TSPAN1: variants seen among roughly 807,000 people sequenced by gnomAD.
TSPAN1 encodes the protein tetraspanin 1, also known as tetraspanin-1.
In TSPAN1, 23 loss-of-function variants were observed where a neutral mutation model predicts 26.9. That is an observed-to-expected ratio of 0.85 (90% CI 0.62 to 1.21). The LOEUF is 1.21. TSPAN1 is among the 50% of genes most tolerant of loss of function. TSPAN1 has a pLI of 0.00. For synonymous variants in TSPAN1, 115 were observed against 114.8 expected (o/e 1.00, Z -0.01); for missense variants, 283 against 298.4 (o/e 0.95, Z 0.38).
Position 46,184,793 on chromosome 1 carries a change from C to A in TSPAN1, c.348C>A (p.His116Gln). The A allele has an allele frequency of 5.0e-6, 8 of 1,614,232 alleles. No individual in the cohort carries two copies. Among genetic ancestry groups the A allele is most frequent in the Non-Finnish European group, 6.8e-6 (8 of 1,180,038 alleles). Residue 116 changes from histidine to glutamine, a missense_variant, in exon 6 of 9, where the codon CAC (histidine) becomes CAA (glutamine). By Grantham distance (24) the His-to-Gln change is conservative. Coordinates refer to ENST00000372003, the MANE Select transcript of TSPAN1 (RefSeq NM_005727.4). Reference protein sequence around the residue: ...VALVYTTMAEHFLTLLVVPAI... With the variant: ...VALVYTTMAEQFLTLLVVPAI... Reference sequence around the variant, plus strand: ...TGGCCTGCCTCACCCAGGCTGAGCACTTCCTGACGTTGCTGGTAGTGCCTG... The same window carrying A: ...TGGCCTGCCTCACCCAGGCTGAGCAATTCCTGACGTTGCTGGTAGTGCCTG...
chr1:46,178,342 G>A (rs1657232489), intron 1 of TSPAN1, among the ~76,000 whole-genome samples: 1 of 145,352 alleles, frequency 6.9e-6, no homozygotes, highest in Non-Finnish European at 1.5e-5. Flanking sequence ...GGGCAACAGA[G>A]TGAGATTCTG....
At chr1:46,177,013 G>A (rs543006484) in intron 1 of TSPAN1, among the ~76,000 whole-genome samples, 1 of 152,258 alleles carries the variant, frequency 6.6e-6, no homozygotes, top group East Asian at 1.9e-4. Flanking sequence ...CATATAACCT[G>A]ATTTTATGTG....
At chr1:46,194,359 C>T in the TSPAN1 span, 31 of 1,614,084 alleles carry the variant, frequency 1.9e-5, no homozygotes, top group African/African-American at 6.7e-5. Flanking sequence ...GAAGCGCCGG[C>T]GGCGACGGTT....
chr1:46,182,498 T>A, intron 3 of TSPAN1, among the ~76,000 whole-genome samples: 1 of 151,696 alleles, frequency 6.6e-6, no homozygotes, highest in African/African-American at 2.4e-5. Flanking sequence ...TTAGTTGAGC[T>A]CAGGAGTTCG....
In TSPAN1 at chr1:46,184,329, G is replaced by A; in HGVS notation, c.196G>A (p.Val66Met). 1 of 1,614,184 alleles carries A rather than the reference G, an allele frequency of 6.2e-7. No individual in the cohort carries two copies. The highest frequency in any genetic ancestry group is 8.5e-7 in the Non-Finnish European group (1 of 1,180,038). The change falls in exon 4 of 9, where the codon GTG (valine) becomes ATG (methionine). Residue 66 changes from valine (V) to methionine (M), a missense_variant. Physicochemically the swap from Val to Met is conservative, Grantham distance 21 (BLOSUM62 1). Transcript: ENST00000372003. ...CTACTTCCTCATCGCAGCCGGCGTT[G>A]TGGTCTTTGCTCTTGGTTTCCTGGG... ...VGYFLIAAGVVVFALGFLGCY... is the reference protein window; with the variant it reads ...VGYFLIAAGVMVFALGFLGCY...
rs564474415 is a variant in TSPAN1, at chr1:46,185,025, T to C, written c.504T>C (p.Ser168=). The change falls in exon 7 of 9, where the codon AGT becomes AGC. Residue 168 remains serine (S), a synonymous_variant. Coordinates refer to ENST00000372003, the MANE Select transcript of TSPAN1 (RefSeq NM_005727.4). ...ACTCACCCTACTTCAAAGAGAACAG[T>C]GCCTTTCCCCCATTCTGTTGCAATG... is the stretch of plus-strand genomic sequence containing the variant. ...FEDSPYFKEN[S]AFPPFCCNDN... is the part of the protein sequence containing the mutation. 2.5e-5 allele frequency: 40 copies of C among 1,613,968 alleles called. No homozygotes were observed. Among genetic ancestry groups the C allele is most frequent in the Non-Finnish European group, 3.3e-5 (39 of 1,180,034 alleles).
At chr1:46,190,024 G>A (rs2148168169), downstream of TSPAN1, 7 of 1,612,582 alleles carry the variant, frequency 4.3e-6, no homozygotes, top group South Asian at 1.1e-5. Flanking sequence ...AGCCAAGACA[G>A]GGCCCACTTC....
At chr1:46,186,999 G>T (rs1200383888), downstream of TSPAN1, among the ~76,000 whole-genome samples, 3 of 152,010 alleles carry the variant, frequency 2.0e-5, no homozygotes, top group East Asian at 5.8e-4. Context: ...GTAGAGACAG[G>T]GTTTCACCAT....
Position 46,184,527 on chromosome 1 carries a change from G to GC in TSPAN1, c.265-67_265-66insC, listed in dbSNP as rs547882893. ...CTTCTGTCTCACTTTTCCGGGGGGG[G>GC]GATTAGGGCAAGGAGGGCATGAGGG... On this transcript the variant is annotated intron_variant, in intron 4 of 8. Coordinates refer to ENST00000372003, the MANE Select transcript of TSPAN1 (RefSeq NM_005727.4). 1.4e-4 allele frequency: 219 copies of GC among 1,605,554 alleles called. 1 individual carries two copies. The highest frequency in any genetic ancestry group is 1.7e-4 in the Non-Finnish European group (201 of 1,172,836).
Position 46,185,682 on chromosome 1 carries a change from A to C in TSPAN1, c.*149A>C. On this transcript the variant is annotated 3_prime_UTR_variant, in exon 9 of 9. Transcript: ENST00000372003. ...CCCTTTCTGCTCCAGACTTGGGGCT[A>C]GATAGGGACCACTCCTTTTAGGCGA... 1 of 863,720 alleles carries C rather than the reference A, an allele frequency of 1.2e-6. No individual in the cohort carries two copies. Among genetic ancestry groups the C allele is most frequent in the Non-Finnish European group, 1.8e-6 (1 of 541,524 alleles). The allele number at this position is 863,720 out of a possible 1,614,324, so 53.5% of individuals were successfully genotyped here. A position where few individuals can be genotyped will look rare whatever the true frequency, so the allele number is the denominator to read the frequency against.
chr1:46,183,792 C>T (rs887871564), intron 3 of TSPAN1: 5 of 278,530 alleles, frequency 1.8e-5, no homozygotes, highest in South Asian at 4.1e-5. Context: ...CTACCACCCC[C>T]GTCTCCACCT....
chr1:46,193,736 C>G, the TSPAN1 span: 1 of 1,600,722 alleles, frequency 6.2e-7, no homozygotes, highest in Non-Finnish European at 8.5e-7. Flanking sequence ...TGCTTACCCA[C>G]AGAGGTGAAT....
chr1:46,192,264 G>C, the TSPAN1 span: 1 of 1,614,156 alleles, frequency 6.2e-7, no homozygotes, highest in Non-Finnish European at 8.5e-7. Flanking sequence ...GATGTTTCGA[G>C]TTGGTAGGGG....
In TSPAN1 at chr1:46,185,623, A is replaced by T; in HGVS notation, c.*90A>T. Reference sequence around the variant, plus strand: ...AGCAGTGATTGGGGGAGGGGACAGGATCTAACAATGTCACTTGGGCCAGAA... The same window carrying T: ...AGCAGTGATTGGGGGAGGGGACAGGTTCTAACAATGTCACTTGGGCCAGAA... On this transcript the variant is annotated 3_prime_UTR_variant, in exon 9 of 9. Coordinates refer to ENST00000372003, the MANE Select transcript of TSPAN1 (RefSeq NM_005727.4). 6.9e-7 allele frequency: 1 copy of T among 1,453,546 alleles called. No homozygotes were observed. The highest frequency in any genetic ancestry group is 9.6e-7 in the Non-Finnish European group (1 of 1,044,972). The allele number at this position is 1,453,546 out of a possible 1,614,324, so 90.0% of individuals were successfully genotyped here.
chr1:46,190,203 C>G (rs1657652581), downstream of TSPAN1: 2 of 660,740 alleles, frequency 3.0e-6, no homozygotes, highest in South Asian at 3.9e-5. Flanking sequence ...TGCCACCACG[C>G]CCGGCTAATT....
chr1:46,190,360 T>C (rs1657665632), downstream of TSPAN1: 2 of 1,382,314 alleles, frequency 1.4e-6, no homozygotes, highest in Admixed American at 1.7e-5. Context: ...TCCTAATGTT[T>C]GAGATGAGGG....
At chr1:46,192,456 G>A in the TSPAN1 span, 1 of 1,614,170 alleles carries the variant, frequency 6.2e-7, no homozygotes, top group Non-Finnish European at 8.5e-7. Context: ...GGGTGCCATA[G>A]TGGGAGGTAT....
chr1:46,193,152 G>C, the TSPAN1 span: 1 of 1,614,110 alleles, frequency 6.2e-7, no homozygotes, highest in African/African-American at 1.3e-5. Flanking sequence ...CCAGGCCCAA[G>C]AGTTGTATCC....
At chr1:46,187,843 G>A (rs139903608), downstream of TSPAN1, among the ~76,000 whole-genome samples, 179 of 152,328 alleles carry the variant, frequency 1.2e-3, no homozygotes, top group African/African-American at 3.5e-3. Context: ...TGCTGTCACC[G>A]AGTTGGGCTC....
Sources: gnomAD v4.1 joint callset for allele counts (sites outside exome capture counted in the v4.1 genomes callset) on GRCh38, gnomAD v4.1.1 for gene constraint, MANE v1.5 for transcripts, NCBI Gene and HGNC (gene_info 2026-07-23, HGNC 2026-07-21) for gene names.